NSG1: variants seen among roughly 807,000 people sequenced by gnomAD.
The protein encoded by NSG1 is neuronal vesicle trafficking associated 1, also known as neuronal vesicle trafficking-associated protein 1.
NSG1 carries 9 observed loss-of-function variants against 19.3 expected under a neutral mutation model. That is an observed-to-expected ratio of 0.47 (90% CI 0.28 to 0.81). The LOEUF (loss-of-function observed/expected upper bound fraction) is 0.81. Among genes scored for constraint, NSG1 ranks in the 40% least tolerant of loss-of-function variants. NSG1 has a pLI of 0.11. For missense variants in NSG1, 236 were observed against 242.4 expected (o/e 0.97, Z 0.18); for synonymous variants, 104 against 107.0 (o/e 0.97, Z 0.17).
intron 4 of NSG1, among the ~76,000 whole-genome samples, chr4:4,416,551 G>A (rs868252132): frequency 2.6e-5 from 4 of 152,256 alleles, no homozygotes; most frequent in East Asian, 1.9e-4. Flanking sequence ...AAACGCCCCC[G>A]GCCCTGCCTG....
rs76288416 is a variant in NSG1 at position 4,404,392 on chromosome 4, G to A, written c.247-5181G>A. On this transcript the variant is annotated intron_variant, in intron 3 of 4. Coordinates refer to ENST00000621129, the MANE Select transcript of NSG1 (RefSeq NM_014392.5). ...GTCTCCTGCACACCCCATCATAGAC[G>A]CAGGTGCTGGGCCGGCATCCCCCTT... 2.4e-3 allele frequency among the ~76,000 whole-genome samples: 360 copies of A among 152,330 alleles called. 4 individuals are homozygous for A. The highest frequency in any genetic ancestry group is 9.9e-3 in the Admixed American group (151 of 15,292).
At chr4:4,404,781 A>G (rs140127156) in intron 3 of NSG1, among the ~76,000 whole-genome samples, 142 of 152,272 alleles carry the variant, frequency 9.3e-4, no homozygotes, top group African/African-American at 3.2e-3. Flanking sequence ...CACTTTAATT[A>G]GGAAAAAAGA....
chr4:4,401,396 G>A (rs1286600797), intron 3 of NSG1, among the ~76,000 whole-genome samples: 2 of 152,144 alleles, frequency 1.3e-5, no homozygotes, highest in East Asian at 3.9e-4. Flanking sequence ...CCGGGCTCGT[G>A]TTCCCTCTCC....
chr4:4,411,082 C>T (rs1317875564), intron 4 of NSG1, among the ~76,000 whole-genome samples: 1 of 152,168 alleles, frequency 6.6e-6, no homozygotes, highest in Non-Finnish European at 1.5e-5. Flanking sequence ...TCTCGAACTC[C>T]TGACCTCAGG....
In NSG1 at chr4:4,409,607, TC is replaced by T; in HGVS notation, c.282del (p.Thr95ProfsTer53). 6.2e-7 allele frequency: 1 copy of T among 1,614,122 alleles called. No homozygotes were observed. Among genetic ancestry groups the T allele is most frequent in the Non-Finnish European group, 8.5e-7 (1 of 1,180,016 alleles). The stretch of plus-strand genomic sequence containing the variant: ...TTGGTCCTCTTCGCCCTGGCCTTCC[TC>T]ACCTGCGTCGTCTTCCTGGTTGTCT... ...SVLVLFALAF[L>X]TCVVFLVVYK... is the part of the protein sequence containing the mutation. On this transcript the variant is annotated frameshift_variant, in exon 4 of 5. Coordinates refer to ENST00000621129, the MANE Select transcript of NSG1 (RefSeq NM_014392.5). LOFTEE classifies it high-confidence loss of function.
intron 3 of NSG1, among the ~76,000 whole-genome samples, chr4:4,393,712 G>C (rs1469369546): frequency 1.3e-5 from 2 of 152,184 alleles, no homozygotes; most frequent in African/African-American, 4.8e-5. Flanking sequence ...ACGTAAGGCT[G>C]TTGAGTCCCA....
At chr4:4,412,108 C>T (rs1020531170) in intron 4 of NSG1, among the ~76,000 whole-genome samples, 1 of 152,174 alleles carries the variant, frequency 6.6e-6, no homozygotes, top group Non-Finnish European at 1.5e-5. Context: ...GTTTCAGCTC[C>T]GTGACAGTCT....
intron 3 of NSG1, 83 bp from the exon 4 acceptor site, chr4:4,409,490 G>C (rs898036639): frequency 1.3e-5 from 13 of 977,834 alleles, no homozygotes; most frequent in Admixed American, 7.0e-5. Flanking sequence ...ATGCTGTGTG[G>C]GGGGGGGCCT....
chr4:4,408,659 C>A (rs915104181), intron 3 of NSG1, among the ~76,000 whole-genome samples: 1 of 152,182 alleles, frequency 6.6e-6, no homozygotes. Flanking sequence ...GGGGTTTCGC[C>A]CTGTTGGCCA....
In NSG1 at chr4:4,397,791, A is replaced by T. The variant is rs577569059; in HGVS notation, c.246+6200A>T. Among the ~76,000 whole-genome samples, 15 of 152,128 alleles carry T rather than the reference A, an allele frequency of 9.9e-5. No homozygotes were observed. The East Asian group carries it at 1.7e-3, about 18-fold the overall frequency. On this transcript the variant is annotated intron_variant, in intron 3 of 4. Coordinates refer to ENST00000621129, the MANE Select transcript of NSG1 (RefSeq NM_014392.5). ...GTTATAAACGCACCCTGAGGCCCAG[A>T]TCCTGTTTGTATTTCTCTGTTCCCG... is the stretch of plus-strand genomic sequence containing the variant.
chr4:4,410,485 G>A (rs951779826), intron 4 of NSG1, among the ~76,000 whole-genome samples: 5 of 152,208 alleles, frequency 3.3e-5, no homozygotes, highest in African/African-American at 9.6e-5. Flanking sequence ...CTACACACCC[G>A]GGCTGGAGGG....
chr4:4,409,732 T>G, intron 4 of NSG1, 49 bp downstream of exon 4: 1 of 1,431,548 alleles, frequency 7.0e-7, no homozygotes, highest in Non-Finnish European at 9.9e-7. Flanking sequence ...TTGCACCCCA[T>G]GTTCTCTCCC....
At chr4:4,398,100 ACC>A in intron 3 of NSG1, among the ~76,000 whole-genome samples, 1 of 151,946 alleles carries the variant, frequency 6.6e-6, no homozygotes, top group Non-Finnish European at 1.5e-5. Flanking sequence ...TATTACAGGC[ACC>A]TGCCACCATG....
intron 4 of NSG1, among the ~76,000 whole-genome samples, chr4:4,412,089 C>A (rs530236188): frequency 2.6e-5 from 4 of 152,158 alleles, no homozygotes; most frequent in African/African-American, 9.7e-5. Context: ...GGTCACCAGG[C>A]GACAGGAGGT....
At position 4,408,429 on chromosome 4, in the gene NSG1, C is replaced by T. The variant is rs552407695; in HGVS notation, c.247-1144C>T. Among the ~76,000 whole-genome samples, 60 of 152,260 alleles carry T rather than the reference C, an allele frequency of 3.9e-4. 1 individual carries two copies. Among genetic ancestry groups the T allele is most frequent in the African/African-American group, 1.4e-3 (59 of 41,564 alleles). On this transcript the variant is annotated intron_variant, in intron 3 of 4. Transcript: ENST00000621129. ...CGCTCTCTCTGCCTCTCTGGGCAGG[C>T]GGAGGGCCATCTGCACGCTGTTTTA...
In NSG1 at chr4:4,417,463, T is replaced by C; in HGVS notation, c.*28T>C. ...GGATGGGCAAGTTCCTTACAATGTG[T>C]CACTTGCAAATAACAAAGGGACTTT... On this transcript the variant is annotated 3_prime_UTR_variant, in exon 5 of 5. Coordinates refer to ENST00000621129, the MANE Select transcript of NSG1 (RefSeq NM_014392.5). The C allele has an allele frequency of 6.3e-7, 1 of 1,596,300 alleles. No homozygotes were observed. Among genetic ancestry groups the C allele is most frequent in the Non-Finnish European group, 8.6e-7 (1 of 1,164,106 alleles).
At chr4:4,409,548 CT>C (rs773767859) in intron 3 of NSG1, 24 bp from the exon 4 acceptor site, 72 of 1,590,382 alleles carry the variant, frequency 4.5e-5, no homozygotes, top group African/African-American at 6.8e-5. Flanking sequence ...CCGGCCACCC[CT>C]GACAGTCCCA....
At chr4:4,395,486 C>T (rs77561550) in intron 3 of NSG1, among the ~76,000 whole-genome samples, 25 of 152,160 alleles carry the variant, frequency 1.6e-4, no homozygotes, top group African/African-American at 5.3e-4. Context: ...CATCCCTGAA[C>T]GCGTGCACAC....
chr4:4,413,875 C>A (rs1041091059), intron 4 of NSG1, among the ~76,000 whole-genome samples: 1 of 151,784 alleles, frequency 6.6e-6, no homozygotes, highest in East Asian at 1.9e-4. Context: ...GACTGGAGAA[C>A]TGATTTAATC....
Sources: allele counts gnomAD v4.1 joint callset (sites outside exome capture counted in the v4.1 genomes callset), GRCh38; gene constraint gnomAD v4.1.1; transcripts MANE v1.5; gene names NCBI Gene and HGNC (gene_info 2026-07-23, HGNC 2026-07-21).